The following L3MBTL4 variants were observed in gnomAD, a reference collection of about 807,000 sequenced individuals.
The protein encoded by L3MBTL4 is lethal(3)malignant brain tumor-like protein 4.
A neutral mutation model predicts 84.5 loss-of-function variants in L3MBTL4; 70 were observed. That is an observed-to-expected ratio of 0.83 (90% confidence interval 0.68 to 1.01). The LOEUF is 1.01. L3MBTL4 is among the 50% of genes least tolerant of loss of function. L3MBTL4 has a pLI of 0.00. For missense variants in L3MBTL4, 715 were observed against 754.8 expected, an observed-to-expected ratio of 0.95 and a Z score of 0.62; for synonymous variants, 274 against 259.8, an observed-to-expected ratio of 1.05 and a Z score of -0.52.
At chr18:6,115,903 T>C (rs985107086) in intron 14 of L3MBTL4, among the ~76,000 whole-genome samples, 1 of 152,170 alleles carries the variant, frequency 6.6e-6, no homozygotes, top group Non-Finnish European at 1.5e-5. Flanking sequence ...CCCAGGCCTC[T>C]GTTTGCTCGG....
intron 13 of L3MBTL4, among the ~76,000 whole-genome samples, chr18:6,163,985 T>C (rs1253381569): frequency 6.6e-6 from 1 of 152,184 alleles, no homozygotes; most frequent in African/African-American, 2.4e-5. Context: ...CCCACACTAA[T>C]ACTGCACTTT....
chr18:6,368,246 G>A (rs1319772498), intron 1 of L3MBTL4, among the ~76,000 whole-genome samples: 1 of 151,864 alleles, frequency 6.6e-6, no homozygotes, highest in African/African-American at 2.4e-5. Flanking sequence ...GCGGCCGTCG[G>A]TGCTTACTTT....
intron 16 of L3MBTL4, among the ~76,000 whole-genome samples, chr18:6,042,708 C>A (rs746868841): frequency 6.6e-6 from 1 of 152,190 alleles, no homozygotes; most frequent in Non-Finnish European, 1.5e-5. Flanking sequence ...TTTGGCCAAG[C>A]CTTTGAGTGT....
At chr18:6,220,673 A>G (rs1225034722) in intron 10 of L3MBTL4, among the ~76,000 whole-genome samples, 1 of 152,238 alleles carries the variant, frequency 6.6e-6, no homozygotes, top group Non-Finnish European at 1.5e-5. Flanking sequence ...GAATATGTTC[A>G]CTTCACTGTT....
At chr18:5,982,009 T>TG (rs1567946143) in intron 16 of L3MBTL4, among the ~76,000 whole-genome samples, 5 of 95,494 alleles carry the variant, frequency 5.2e-5, no homozygotes, top group South Asian at 3.5e-4. Flanking sequence ...TGTGTGTGTG[T>TG]TTTGGGAAAA....
chr18:6,182,758 G>A (rs1411077235), intron 12 of L3MBTL4, among the ~76,000 whole-genome samples: 1 of 151,558 alleles, frequency 6.6e-6, no homozygotes, highest in Non-Finnish European at 1.5e-5. Context: ...TTCTGCATAT[G>A]GCTAGCCAGT....
intron 16 of L3MBTL4, among the ~76,000 whole-genome samples, chr18:6,020,573 G>C (rs1448789641): frequency 3.3e-5 from 5 of 151,598 alleles, no homozygotes; most frequent in Non-Finnish European, 7.4e-5. Flanking sequence ...AGGAAGACCA[G>C]ATAAGGAGAC....
chr18:5,965,443 G>A (rs565016769), intron 17 of L3MBTL4, among the ~76,000 whole-genome samples: 4 of 152,186 alleles, frequency 2.6e-5, no homozygotes, highest in Admixed American at 1.3e-4. Context: ...ATTCCAACAC[G>A]CCCCATCCCT....
intron 12 of L3MBTL4, among the ~76,000 whole-genome samples, chr18:6,195,101 G>C (rs2045315588): frequency 6.6e-6 from 1 of 152,126 alleles, no homozygotes; most frequent in African/African-American, 2.4e-5. Context: ...AAAGTGTAGA[G>C]TAGGTACTCA....
intron 12 of L3MBTL4, among the ~76,000 whole-genome samples, chr18:6,201,169 T>C (rs1356379208): frequency 2.0e-5 from 3 of 152,198 alleles, no homozygotes; most frequent in African/African-American, 7.2e-5. Context: ...TATAATCTAA[T>C]GTCAGATAAC....
At chr18:6,295,662 G>A (rs1183464653) in intron 4 of L3MBTL4, among the ~76,000 whole-genome samples, 2 of 152,048 alleles carry the variant, frequency 1.3e-5, no homozygotes, top group Non-Finnish European at 2.9e-5. Context: ...TAAAATGCAC[G>A]TGGAGGCTTC....
intron 16 of L3MBTL4, among the ~76,000 whole-genome samples, chr18:6,014,157 C>A (rs564473428): frequency 6.6e-6 from 1 of 152,250 alleles, no homozygotes; most frequent in South Asian, 2.1e-4. Context: ...GTTGTTGGGA[C>A]AAAACTGAGT....
chr18:6,047,367 A>G (rs1227384744), intron 16 of L3MBTL4, among the ~76,000 whole-genome samples: 1 of 152,184 alleles, frequency 6.6e-6, no homozygotes, highest in Non-Finnish European at 1.5e-5. Flanking sequence ...CAAAAAATTG[A>G]GGAGGAGAGA....
intron 13 of L3MBTL4, among the ~76,000 whole-genome samples, chr18:6,142,209 C>T (rs927708828): frequency 1.3e-5 from 2 of 152,216 alleles, no homozygotes; most frequent in Non-Finnish European, 2.9e-5. Flanking sequence ...AAGCTACAGG[C>T]ATGAGTCTAG....
At chr18:6,273,465 A>G (rs484929) in intron 4 of L3MBTL4, among the ~76,000 whole-genome samples, 3 of 119,350 alleles carry the variant, frequency 2.5e-5, no homozygotes, top group African/African-American at 4.2e-5. Flanking sequence ...GAGTTGTGCA[A>G]ATTCAACTAG....
intron 17 of L3MBTL4, 88 bp downstream of exon 17, chr18:5,969,305 G>A: frequency 1.1e-5 from 16 of 1,442,564 alleles, no homozygotes; most frequent in Non-Finnish European, 1.5e-5. Context: ...CGCTGTCCCA[G>A]ACATCAAAGA....
intron 12 of L3MBTL4, among the ~76,000 whole-genome samples, chr18:6,174,665 G>T (rs1428125879): frequency 1.3e-5 from 2 of 151,878 alleles, no homozygotes; most frequent in African/African-American, 2.4e-5. Flanking sequence ...GAGCCAGGGG[G>T]TTAAGACTAG....
intron 12 of L3MBTL4, among the ~76,000 whole-genome samples, chr18:6,201,965 A>G (rs1379800853): frequency 1.3e-5 from 2 of 152,202 alleles, no homozygotes; most frequent in Admixed American, 6.6e-5. Flanking sequence ...TCCAGCCTAA[A>G]GGTTTCTCTG....
At chr18:6,094,810 A>G (rs954599158) in intron 14 of L3MBTL4, among the ~76,000 whole-genome samples, 1 of 152,104 alleles carries the variant, frequency 6.6e-6, no homozygotes, top group African/African-American at 2.4e-5. Flanking sequence ...TAGTACCAAT[A>G]TCTAGAATGG....
Sources: gnomAD v4.1 joint callset for allele counts (sites outside exome capture counted in the v4.1 genomes callset) on GRCh38, gnomAD v4.1.1 for gene constraint, MANE v1.5 for transcripts, NCBI Gene and HGNC (gene_info 2026-07-23, HGNC 2026-07-21) for gene names.